The following RYR2 variants were observed in gnomAD, a reference collection of about 807,000 sequenced individuals.
The protein encoded by RYR2 is cardiac muscle ryanodine receptor-calcium release channel.
Under a neutral mutation model 601.1 loss-of-function variants are expected in RYR2, and 227 were observed. That is an observed-to-expected ratio of 0.38 (90% CI 0.34 to 0.42). RYR2 has a LOEUF of 0.42. Among genes scored for constraint, RYR2 ranks in the 10% least tolerant of loss-of-function variants. The pLI, the probability that RYR2 is intolerant of heterozygous loss-of-function variation, is 1.00. For missense variants in RYR2, 4,646 were observed against 6,156.5 expected, an observed-to-expected ratio of 0.75 and a Z score of 8.21; for synonymous variants, 2,223 against 2,175.1, an observed-to-expected ratio of 1.02 and a Z score of -0.61.
chr1:237,813,818 GTTTTTATA>G (rs1661501841), intron 100 of RYR2, among the ~76,000 whole-genome samples: 1 of 152,104 alleles, frequency 6.6e-6, no homozygotes, highest in African/African-American at 2.4e-5. Flanking sequence ...TCTGTTGTAG[GTTTTTATA>G]TCTCTACACA....
At chr1:237,712,333 C>A (rs1426326519) in intron 71 of RYR2, among the ~76,000 whole-genome samples, 1 of 151,956 alleles carries the variant, frequency 6.6e-6, no homozygotes, top group Non-Finnish European at 1.5e-5. Flanking sequence ...TGGATAGTAG[C>A]CCAGAGTATA....
intron 38 of RYR2, among the ~76,000 whole-genome samples, chr1:237,618,118 A>G (rs1678676990): frequency 6.6e-6 from 1 of 151,980 alleles, no homozygotes; most frequent in Non-Finnish European, 1.5e-5. Context: ...TTGATTTCTT[A>G]CCCTTACCAT....
intron 4 of RYR2, among the ~76,000 whole-genome samples, chr1:237,356,213 C>A (rs1699281311): frequency 6.6e-6 from 1 of 151,854 alleles, no homozygotes; most frequent in South Asian, 2.1e-4. Context: ...TCCCTAGAAC[C>A]ACATAGTTTT....
intron 37 of RYR2, among the ~76,000 whole-genome samples, chr1:237,615,170 T>G (rs1214930324): frequency 6.6e-6 from 1 of 152,108 alleles, no homozygotes; most frequent in Non-Finnish European, 1.5e-5. Flanking sequence ...ATAGCAAGGT[T>G]TTACTTTCCC....
chr1:237,409,327 G>A (rs1335831943), intron 10 of RYR2, among the ~76,000 whole-genome samples: 1 of 152,044 alleles, frequency 6.6e-6, no homozygotes, highest in Admixed American at 6.5e-5. Context: ...ACTTGAGGAA[G>A]TTCCCTTCTA....
At chr1:237,451,121 C>T (rs57353117) in intron 14 of RYR2, among the ~76,000 whole-genome samples, 49 of 152,146 alleles carry the variant, frequency 3.2e-4, no homozygotes, top group Non-Finnish European at 4.6e-4. Flanking sequence ...AGGCTGGGCA[C>T]GGTAGTGACT....
At position 237,783,803 on chromosome 1, in the gene RYR2, A is replaced by G. The variant is rs755148895; in HGVS notation, c.12091A>G (p.Thr4031Ala). The G allele has an allele frequency of 2.0e-5, 32 of 1,613,634 alleles. No homozygotes were observed. Among genetic ancestry groups the G allele is most frequent in the Non-Finnish European group, 2.4e-5 (28 of 1,179,788 alleles). ...ACTAAAGGATTTGACGTCGTCTGATACTTTTAAAGAATATGACCCCGATGG... is the reference window on the plus strand; with the variant it reads ...ACTAAAGGATTTGACGTCGTCTGATGCTTTTAAAGAATATGACCCCGATGG... ...LKLKDLTSSD[T>A]FKEYDPDGKG... The change falls in exon 90 of 105, where the codon ACT becomes GCT. Residue 4031 changes from threonine to alanine, a missense_variant. Around this residue, in one of 17 missense-constraint regions of RYR2, gnomAD observed 66 missense variants for 80.7 expected, o/e 0.82. Coordinates refer to ENST00000366574, the MANE Select transcript of RYR2 (RefSeq NM_001035.3).
intron 37 of RYR2, among the ~76,000 whole-genome samples, chr1:237,615,262 G>A (rs1678340479): frequency 6.6e-6 from 1 of 152,154 alleles, no homozygotes; most frequent in Non-Finnish European, 1.5e-5. Context: ...TGCAATCATA[G>A]CTCACTGCAG....
At chr1:237,364,315 G>T (rs74877254) in intron 4 of RYR2, 43 bp from the exon 5 acceptor site, 4 of 1,549,614 alleles carry the variant, frequency 2.6e-6, no homozygotes, top group Non-Finnish European at 3.5e-6. Flanking sequence ...CTTTGAGATC[G>T]TGTCTATTTA....
intron 57 of RYR2, among the ~76,000 whole-genome samples, chr1:237,667,033 G>A (rs115754884): frequency 1.5e-3 from 233 of 152,268 alleles, no homozygotes; most frequent in African/African-American, 5.3e-3. Flanking sequence ...AAAGTAAATA[G>A]TTAATAATGC....
intron 1 of RYR2, among the ~76,000 whole-genome samples, chr1:237,141,769 T>C (rs1673418950): frequency 6.6e-6 from 1 of 152,216 alleles, no homozygotes. Context: ...GCAATGGAAC[T>C]CTTTTTGCTA....
intron 36 of RYR2, 31 bp downstream of exon 36, chr1:237,611,019 T>C: frequency 6.4e-7 from 1 of 1,573,372 alleles, no homozygotes; most frequent in Non-Finnish European, 8.7e-7. Flanking sequence ...GACATTCTGA[T>C]TGGGACGCTT....
In RYR2 at chr1:237,550,582, C is replaced by T. The variant is rs747358776; in HGVS notation, c.3105C>T (p.Tyr1035=). ...GAAGAAATCCTCGCCTTGTTCCCTA[C>T]ACTCTTCTGGATGACCGAACCAAGA... The part of the protein sequence containing the change: ...KNRRNPRLVP[Y]TLLDDRTKKS... Residue 1035 remains tyrosine (Y), a synonymous_variant, in exon 27 of 105, where the codon TAC becomes TAT. Coordinates refer to ENST00000366574, the MANE Select transcript of RYR2 (RefSeq NM_001035.3). The T allele has an allele frequency of 3.1e-6, 5 of 1,608,414 alleles. No individual in the cohort carries two copies. Among genetic ancestry groups the T allele is most frequent in the Admixed American group, 3.4e-5 (2 of 59,258 alleles).
intron 17 of RYR2, among the ~76,000 whole-genome samples, chr1:237,483,802 C>G (rs1322748110): frequency 6.6e-6 from 1 of 152,074 alleles, no homozygotes; most frequent in Non-Finnish European, 1.5e-5. Context: ...TTCCTACTTT[C>G]AGTGAAATGT....
chr1:237,471,241 G>A (rs1287395446), intron 17 of RYR2: 3 of 152,544 alleles, frequency 2.0e-5, no homozygotes, highest in Admixed American at 6.5e-5. Flanking sequence ...CACAACTGCT[G>A]GCATTCACCC....
chr1:237,749,429 T>C (rs1312846140), intron 80 of RYR2, among the ~76,000 whole-genome samples: 2 of 112,854 alleles, frequency 1.8e-5, no homozygotes, highest in African/African-American at 2.7e-5. Context: ...TCTCTAAATA[T>C]TTGCTATTAT....
chr1:237,338,917 A>ATG (rs1697499383), intron 3 of RYR2, among the ~76,000 whole-genome samples: 1 of 152,140 alleles, frequency 6.6e-6, no homozygotes, highest in Non-Finnish European at 1.5e-5. Flanking sequence ...ATATGATATA[A>ATG]ATTGTGTTCT....
At chr1:237,324,261 G>A (rs1695929064) in intron 2 of RYR2, among the ~76,000 whole-genome samples, 1 of 152,068 alleles carries the variant, frequency 6.6e-6, no homozygotes, top group Non-Finnish European at 1.5e-5. Context: ...TTCCCCATCT[G>A]GTAAGTGACA....
intron 3 of RYR2, among the ~76,000 whole-genome samples, chr1:237,333,290 G>C (rs375933537): frequency 2.0e-4 from 30 of 152,268 alleles, no homozygotes; most frequent in African/African-American, 7.2e-4. Context: ...ATAGCTCAAC[G>C]GGGTACCGTA....
Sources: gnomAD v4.1 joint callset for allele counts (sites outside exome capture counted in the v4.1 genomes callset) on GRCh38, gnomAD v4.1.1 for gene constraint, gnomAD v4.1.1 regional missense constraint, MANE v1.5 for transcripts, NCBI Gene and HGNC (gene_info 2026-07-23, HGNC 2026-07-21) for gene names.